Variants in WDPCP observed in about 807,000 individuals in gnomAD.
The protein encoded by WDPCP is WD repeat-containing and planar cell polarity effector protein fritz homolog.
In WDPCP, 71 loss-of-function variants were observed where a neutral mutation model predicts 93.1. That is an observed-to-expected ratio of 0.76 (90% CI 0.63 to 0.93). The LOEUF is 0.93. Ranked by LOEUF, WDPCP falls within the 40% of genes least tolerant of loss-of-function variation. WDPCP has a pLI of 0.00. For synonymous variants in WDPCP, 315 were observed against 315.0 expected, an observed-to-expected ratio of 1.00 and a Z score of 0.00; for missense variants, 844 against 887.4, an observed-to-expected ratio of 0.95 and a Z score of 0.62.
intron 1 of WDPCP, among the ~76,000 whole-genome samples, chr2:63,539,087 G>A (rs914893944): frequency 1.3e-5 from 2 of 152,050 alleles, no homozygotes; most frequent in Admixed American, 1.3e-4. Context: ...TTAAATGTTT[G>A]TTGCTAAAAT....
At chr2:63,575,489 A>ATACAGTATATACAGTGTATGCACT (rs1257278044) in intron 1 of WDPCP, among the ~76,000 whole-genome samples, 199 of 17,304 alleles carry the variant, frequency 0.012, 57 homozygotes, top group African/African-American at 0.032. Context: ...GTGTATATAT[A>ATACAGTATATACAGTGTATGCACT]GTATATACAG....
chr2:63,178,115 C>T (rs936703978), intron 14 of WDPCP, among the ~76,000 whole-genome samples: 3 of 152,086 alleles, frequency 2.0e-5, no homozygotes, highest in South Asian at 2.1e-4. Context: ...CTAAGAATTT[C>T]GTTGGCTGGT....
At chr2:63,195,728 A>G (rs1383515072) in intron 14 of WDPCP, among the ~76,000 whole-genome samples, 2 of 152,226 alleles carry the variant, frequency 1.3e-5, no homozygotes, top group African/African-American at 4.8e-5. Context: ...AAAAAAATTA[A>G]GAAAAGGATA....
At chr2:63,479,857 A>C (rs140507888) in intron 6 of WDPCP, among the ~76,000 whole-genome samples, 2,487 of 152,092 alleles carry the variant, frequency 0.016, 79 homozygotes, top group African/African-American at 0.057. Flanking sequence ...TTCTATTCAA[A>C]ATAGTACTGG....
At chr2:63,264,410 C>T (rs527831078) in intron 13 of WDPCP, among the ~76,000 whole-genome samples, 4 of 152,246 alleles carry the variant, frequency 2.6e-5, no homozygotes, top group African/African-American at 7.2e-5. Context: ...GAGGCCGAGG[C>T]GGGTGGATCA....
intron 9 of WDPCP, among the ~76,000 whole-genome samples, chr2:63,412,341 T>TA (rs1397627171): frequency 6.6e-6 from 1 of 152,100 alleles, no homozygotes; most frequent in Non-Finnish European, 1.5e-5. Flanking sequence ...CCTTTATGAT[T>TA]AAAACTCTTA....
chr2:63,186,875 TG>T (rs974732627), intron 14 of WDPCP, among the ~76,000 whole-genome samples: 4 of 151,008 alleles, frequency 2.6e-5, no homozygotes, highest in Non-Finnish European at 4.4e-5. Context: ...TCTGCCGCCT[TG>T]GGGGAAAAAA....
At chr2:63,777,870 T>C (rs1670328383) in intron 2 of WDPCP, among the ~76,000 whole-genome samples, 1 of 152,104 alleles carries the variant, frequency 6.6e-6, no homozygotes, top group Non-Finnish European at 1.5e-5. Context: ...TATGGGTATA[T>C]ATGCATGTCT....
At chr2:63,177,982 T>A (rs1673946243) in intron 14 of WDPCP, among the ~76,000 whole-genome samples, 1 of 152,192 alleles carries the variant, frequency 6.6e-6, no homozygotes, top group Non-Finnish European at 1.5e-5. Flanking sequence ...TCAATTGAGA[T>A]GATTATGTAG....
chr2:63,235,468 T>G (rs1178368022), intron 14 of WDPCP, among the ~76,000 whole-genome samples: 1 of 152,142 alleles, frequency 6.6e-6, no homozygotes, highest in Admixed American at 6.6e-5. Flanking sequence ...AGAAATTAAG[T>G]AGAAGGCAAC....
intron 6 of WDPCP, among the ~76,000 whole-genome samples, chr2:63,478,398 T>G (rs1040906945): frequency 6.6e-6 from 1 of 152,102 alleles, no homozygotes; most frequent in African/African-American, 2.4e-5. Context: ...ATTCTATTCA[T>G]CAGCATATGG....
chr2:63,421,972 C>T (rs902334641), intron 9 of WDPCP, among the ~76,000 whole-genome samples: 2 of 152,104 alleles, frequency 1.3e-5, no homozygotes, highest in African/African-American at 2.4e-5. Flanking sequence ...CTCTGTAGTC[C>T]TGAATTTGAG....
intron 13 of WDPCP, among the ~76,000 whole-genome samples, chr2:63,285,451 A>AG (rs1683922092): frequency 6.6e-6 from 1 of 151,380 alleles, no homozygotes; most frequent in Non-Finnish European, 1.5e-5. Context: ...AAAAAAAAAA[A>AG]GTCCAAAAAT....
At chr2:63,602,030 G>A (rs556655483) in intron 3 of WDPCP, among the ~76,000 whole-genome samples, 12 of 152,324 alleles carry the variant, frequency 7.9e-5, no homozygotes, top group African/African-American at 2.9e-4. Context: ...GGGTACCCCA[G>A]AAACCCAACT....
chr2:63,246,698 A>G (rs1680302848), intron 14 of WDPCP, among the ~76,000 whole-genome samples: 1 of 152,172 alleles, frequency 6.6e-6, no homozygotes, highest in African/African-American at 2.4e-5. Context: ...ACTGATGATG[A>G]TAAACAAGGT....
intron 1 of WDPCP, among the ~76,000 whole-genome samples, chr2:63,536,658 G>A (rs1704300055): frequency 6.6e-6 from 1 of 151,678 alleles, no homozygotes; most frequent in Admixed American, 6.6e-5. Context: ...ACTTTGAAGT[G>A]CATCAGAAGT....
chr2:63,413,432 T>C (rs1410372583), intron 9 of WDPCP, among the ~76,000 whole-genome samples: 5 of 152,122 alleles, frequency 3.3e-5, no homozygotes, highest in Non-Finnish European at 7.4e-5. Flanking sequence ...GAAGATAACA[T>C]TGGAAAAATC....
At chr2:63,336,438 C>T (rs1688372783) in intron 12 of WDPCP, among the ~76,000 whole-genome samples, 1 of 152,174 alleles carries the variant, frequency 6.6e-6, no homozygotes, top group African/African-American at 2.4e-5. Context: ...TGTTCCCAAT[C>T]TTAGGCGGAA....
At chr2:63,725,668 A>T (rs574459629) in intron 2 of WDPCP, among the ~76,000 whole-genome samples, 1 of 152,228 alleles carries the variant, frequency 6.6e-6, no homozygotes, top group South Asian at 2.1e-4. Context: ...CACCAACAGT[A>T]TGTAGGTGTT....
Sources: gnomAD v4.1 joint callset for allele counts (sites outside exome capture counted in the v4.1 genomes callset) on GRCh38, gnomAD v4.1.1 for gene constraint, MANE v1.5 for transcripts, NCBI Gene and HGNC (gene_info 2026-07-23, HGNC 2026-07-21) for gene names.